Variants in TRPM3 observed in about 807,000 individuals in gnomAD.
TRPM3 encodes the protein long transient receptor potential channel 3.
In TRPM3, 77 loss-of-function variants were observed where a neutral mutation model predicts 181.2. The ratio of observed to expected loss-of-function variants is 0.42; its 90% CI spans 0.35 to 0.51. The LOEUF is 0.51. Among genes scored for constraint, TRPM3 ranks in the 20% least tolerant of loss-of-function variants. The pLI, the probability that TRPM3 is intolerant of heterozygous loss-of-function variation, is 0.01. For synonymous variants in TRPM3, 745 were observed against 796.4 expected (o/e 0.94, Z 1.09); for missense variants, 1,759 against 2,196.7 (o/e 0.80, Z 3.98).
intron 8 of TRPM3, among the ~76,000 whole-genome samples, chr9:70,745,519 A>G (rs1490503021): frequency 6.6e-6 from 1 of 152,194 alleles, no homozygotes; most frequent in Non-Finnish European, 1.5e-5. Flanking sequence ...TTCAGATAAC[A>G]TTTAAAAGGA....
intron 1 of TRPM3, among the ~76,000 whole-genome samples, chr9:71,237,597 A>C (rs1438794379): frequency 2.0e-5 from 3 of 152,142 alleles, no homozygotes. Context: ...ACCATTTTCA[A>C]TATAATTATT....
chr9:70,637,634 G>C (rs933787197), intron 11 of TRPM3, among the ~76,000 whole-genome samples: 1 of 152,080 alleles, frequency 6.6e-6, no homozygotes, highest in Non-Finnish European at 1.5e-5. Context: ...GAGACATTCT[G>C]CTAACCCGTT....
intron 1 of TRPM3, among the ~76,000 whole-genome samples, chr9:70,897,486 C>A (rs534066471): frequency 6.6e-6 from 1 of 151,710 alleles, no homozygotes; most frequent in African/African-American, 2.4e-5. Context: ...CGAATATCAG[C>A]GGTGGAATTA....
In TRPM3 at chr9:70,635,192, C is replaced by T. The variant is rs940516798; in HGVS notation, c.1632+19G>A. The T allele has an allele frequency of 4.3e-6, 7 of 1,612,064 alleles. 1 individual carries two copies. In the Admixed American group the frequency reaches 1.2e-4, roughly 27 times the overall value. On this transcript the variant is annotated intron_variant, in intron 12 of 25. Coordinates refer to ENST00000677713, the MANE Select transcript of TRPM3 (RefSeq NM_001366145.2). ...CAGTCAAGACAGGGCCTCCGACCTG[C>T]AGTCGAGAGGGTTCTTACCTTTTTG... is the stretch of plus-strand genomic sequence containing the variant.
At chr9:70,571,296 A>G (rs1007862455) in intron 22 of TRPM3, among the ~76,000 whole-genome samples, 1 of 152,082 alleles carries the variant, frequency 6.6e-6, no homozygotes, top group Non-Finnish European at 1.5e-5. Context: ...TTCTTCAATT[A>G]TGAATTAGGT....
intron 1 of TRPM3, among the ~76,000 whole-genome samples, chr9:71,266,529 C>G (rs1488792467): frequency 6.6e-6 from 1 of 152,170 alleles, no homozygotes; most frequent in African/African-American, 2.4e-5. Context: ...CCCATCTTTA[C>G]TCTCCCCATA....
At chr9:71,294,778 C>A (rs750662769) in intron 1 of TRPM3, among the ~76,000 whole-genome samples, 8 of 152,166 alleles carry the variant, frequency 5.3e-5, no homozygotes, top group Non-Finnish European at 8.8e-5. Flanking sequence ...TTTACTCACA[C>A]AATCGAATTC....
intron 1 of TRPM3, among the ~76,000 whole-genome samples, chr9:71,151,476 G>T (rs1490422705): frequency 2.0e-5 from 3 of 151,966 alleles, no homozygotes; most frequent in Non-Finnish European, 2.9e-5. Flanking sequence ...ATACATATGT[G>T]AAGAATTGTG....
chr9:71,431,191 CAG>C (rs143109517), intron 1 of TRPM3, among the ~76,000 whole-genome samples: 3 of 150,982 alleles, frequency 2.0e-5, no homozygotes, highest in Non-Finnish European at 3.0e-5. Context: ...CACACACACA[CAG>C]AGAGAGAGAG....
chr9:71,305,017 T>C (rs898752495), intron 1 of TRPM3, among the ~76,000 whole-genome samples: 9 of 152,114 alleles, frequency 5.9e-5, no homozygotes, highest in Non-Finnish European at 1.2e-4. Flanking sequence ...ATTCTTAAAA[T>C]ACCCCTGTGA....
At chr9:71,444,103 A>G (rs1481372193) in intron 1 of TRPM3, among the ~76,000 whole-genome samples, 1 of 144,366 alleles carries the variant, frequency 6.9e-6, no homozygotes, top group Non-Finnish European at 1.5e-5. Context: ...CACTTGAACC[A>G]GGGAGGCGGA....
intron 1 of TRPM3, among the ~76,000 whole-genome samples, chr9:71,197,837 TG>T (rs1390739228): frequency 7.2e-6 from 1 of 139,252 alleles, no homozygotes; most frequent in African/African-American, 2.6e-5. Context: ...TTCACTCTGA[TG>T]GTAGTTTCTT....
In TRPM3 at chr9:70,537,232, C is replaced by G; in HGVS notation, c.3881G>C (p.Arg1294Pro). 6.3e-7 allele frequency: 1 copy of G among 1,597,000 alleles called. No individual in the cohort carries two copies. The highest frequency in any genetic ancestry group is 8.6e-7 in the Non-Finnish European group (1 of 1,167,388). ...CGTGCAGTCTGACGAGGTCCTCGAG[C>G]GGATTTTGTTGGACTCGGCCCGCTC... ...GLERAESNKI[R>P]SRTSSDCTDA... The change falls in exon 26 of 26, where the codon CGC becomes CCC. Residue 1294 changes from arginine to proline, a missense_variant. By Grantham distance (103) the Arg-to-Pro change is moderately radical. Coordinates refer to ENST00000677713, the MANE Select transcript of TRPM3 (RefSeq NM_001366145.2).
At chr9:70,739,972 A>G (rs965194546) in intron 8 of TRPM3, among the ~76,000 whole-genome samples, 3 of 152,180 alleles carry the variant, frequency 2.0e-5, no homozygotes, top group Admixed American at 1.3e-4. Flanking sequence ...CCTAGCCAGA[A>G]CAATCAGACA....
intron 1 of TRPM3, among the ~76,000 whole-genome samples, chr9:71,444,700 G>A (rs2094180653): frequency 6.6e-6 from 1 of 152,118 alleles, no homozygotes; most frequent in Non-Finnish European, 1.5e-5. Context: ...CCTTCCTCCT[G>A]TTTGCATAGA....
chr9:70,597,864 T>C (rs983811616), intron 21 of TRPM3, among the ~76,000 whole-genome samples: 2 of 152,222 alleles, frequency 1.3e-5, no homozygotes, highest in African/African-American at 2.4e-5. Context: ...AAATAAATTA[T>C]GTTTTTCTTC....
intron 6 of TRPM3, among the ~76,000 whole-genome samples, chr9:70,804,138 C>G (rs2090060639): frequency 6.6e-6 from 1 of 152,020 alleles, no homozygotes; most frequent in Non-Finnish European, 1.5e-5. Context: ...CGAGATCAGC[C>G]TGACCAACAT....
At chr9:71,309,647 C>T (rs920220969) in intron 1 of TRPM3, among the ~76,000 whole-genome samples, 4 of 152,100 alleles carry the variant, frequency 2.6e-5, no homozygotes, top group African/African-American at 9.7e-5. Flanking sequence ...ATGAATAACA[C>T]TGTATTTAAT....
At chr9:71,133,408 C>T (rs1158972319) in intron 1 of TRPM3, among the ~76,000 whole-genome samples, 1 of 147,168 alleles carries the variant, frequency 6.8e-6, no homozygotes, top group Non-Finnish European at 1.5e-5. Context: ...AATTCTCCTA[C>T]CTCAGCCTCC....
Sources: gnomAD v4.1 joint callset for allele counts (sites outside exome capture counted in the v4.1 genomes callset) on GRCh38, gnomAD v4.1.1 for gene constraint, MANE v1.5 for transcripts, NCBI Gene and HGNC (gene_info 2026-07-23, HGNC 2026-07-21) for gene names.